Variants in TRMT2B observed in about 807,000 individuals in gnomAD.
TRMT2B encodes the protein tRNA (uracil-5-)-methyltransferase homolog B.
A neutral mutation model predicts 39.7 loss-of-function variants in TRMT2B; 34 were observed. The ratio of observed to expected loss-of-function variants is 0.86; its 90% CI spans 0.65 to 1.14. The LOEUF (loss-of-function observed/expected upper bound fraction) is 1.14. TRMT2B is among the 50% of genes most tolerant of loss of function. The pLI, the probability that TRMT2B is intolerant of heterozygous loss-of-function variation, is 0.00. For synonymous variants in TRMT2B, 132 were observed against 137.3 expected (o/e 0.96, Z 0.27); for missense variants, 318 against 377.2 (o/e 0.84, Z 1.30).
chrX:100,995,966 A>AT, the TRMT2B span, among the ~76,000 whole-genome samples: 404 of 104,242 alleles, frequency 3.9e-3, 2 homozygotes, highest in African/African-American at 0.011. Context: ...CTTAATATAC[A>AT]TTTTTTTTTT....
Position 101,042,031 on chromosome X carries a change from C to CT in TRMT2B, c.248+10dup. 1 of 1,210,677 alleles carries CT rather than the reference C, an allele frequency of 8.3e-7. No individual in the cohort carries two copies. The highest frequency in any genetic ancestry group is 3.0e-5 in the East Asian group (1 of 33,854). Reference sequence around the variant, plus strand: ...CCTGCTAAGGAGAGAGGACATCAGCCTGGCCTTTACCTTTCCTGCCAGGAA... The same window carrying CT: ...CCTGCTAAGGAGAGAGGACATCAGCCTTGGCCTTTACCTTTCCTGCCAGGAA... On this transcript the variant is annotated intron_variant, in intron 3 of 13. Coordinates refer to ENST00000372936, the MANE Select transcript of TRMT2B (RefSeq NM_024917.6).
At chrX:101,039,743 CA>C (rs773587234) in intron 4 of TRMT2B, among the ~76,000 whole-genome samples, 2 of 108,090 alleles carry the variant, frequency 1.9e-5, no homozygotes, top group Non-Finnish European at 3.8e-5. Flanking sequence ...ACAACAAATA[CA>C]AAAAAATTAG....
Position 101,037,034 on chromosome X carries a change from C to G in TRMT2B, c.478G>C (p.Val160Leu). ...GGATTGCCATCTGGACCTCGGTTCA[C>G]AGAGAAGGTGGACTTATTTCGGTAA... ...NGYRNKSTFS[V>L]NRGPDGNPKT... The change falls in exon 6 of 14, where the codon GTG (valine) becomes CTG (leucine). Residue 160 changes from valine to leucine, a missense_variant. Transcript: ENST00000372936. 8.3e-7 allele frequency: 1 copy of G among 1,211,352 alleles called. No individual in the cohort carries two copies. The highest frequency in any genetic ancestry group is 1.1e-6 in the Non-Finnish European group (1 of 895,347).
intron 7 of TRMT2B, 54 bp downstream of exon 7, chrX:101,035,559 G>T (rs758599787): frequency 1.9e-6 from 2 of 1,060,074 alleles, no homozygotes; most frequent in South Asian, 3.7e-5. Context: ...GGATGTTGCT[G>T]TTGTAGACTA....
At chrX:100,995,431 T>G in the TRMT2B span, among the ~76,000 whole-genome samples, 1 of 112,097 alleles carries the variant, frequency 8.9e-6, no homozygotes, top group African/African-American at 3.2e-5. Flanking sequence ...TTTCTGCTAT[T>G]GGCACATAGA....
At chrX:100,988,856 A>ATATATATCT in the TRMT2B span, among the ~76,000 whole-genome samples, 308 of 56,527 alleles carry the variant, frequency 5.4e-3, 3 homozygotes, top group African/African-American at 0.021. Context: ...TATCTCATAT[A>ATATATATCT]TATATATATA....
chrX:101,029,051 T>G (rs2087290373), intron 7 of TRMT2B, among the ~76,000 whole-genome samples: 1 of 111,666 alleles, frequency 9.0e-6, no homozygotes, highest in Admixed American at 9.6e-5. Flanking sequence ...GAGAACAGAC[T>G]AATACACAGA....
chrX:101,031,139 A>T (rs922110753), intron 7 of TRMT2B, among the ~76,000 whole-genome samples: 1 of 109,768 alleles, frequency 9.1e-6, no homozygotes, highest in African/African-American at 3.3e-5. Context: ...CCCCATCTAA[A>T]TTTTTTTGTA....
At chrX:100,975,344 C>T in the TRMT2B span, among the ~76,000 whole-genome samples, 1 of 111,455 alleles carries the variant, frequency 9.0e-6, no homozygotes, top group Non-Finnish European at 1.9e-5. Flanking sequence ...AAGTCACAGC[C>T]CAGCTTGACC....
intron 2 of TRMT2B, among the ~76,000 whole-genome samples, chrX:101,044,188 G>C (rs748714170): frequency 3.5e-4 from 37 of 106,260 alleles, no homozygotes; most frequent in African/African-American, 1.2e-3. Flanking sequence ...GTTGCAGTGA[G>C]CCAAGATTGT....
Position 101,033,603 on chromosome X carries a change from T to G in TRMT2B, c.609+2010A>C, listed in dbSNP as rs373823734. ...GAGCGAGACTCCATACACAAAAAAA[T>G]AAAGAAAGAAAGAAAGAGAAGAAAG... On this transcript the variant is annotated intron_variant, in intron 7 of 13. Transcript: ENST00000372936. Among the ~76,000 whole-genome samples, 26 of 105,946 alleles carry G rather than the reference T, an allele frequency of 2.5e-4. No individual in the cohort carries two copies. In the East Asian group the frequency reaches 6.6e-3, roughly 27 times the overall value. 92.0% of individuals were successfully genotyped at this position (105,946 alleles called of 115,157 possible).
the TRMT2B span, among the ~76,000 whole-genome samples, chrX:100,977,368 TC>T: frequency 2.6e-5 from 2 of 77,487 alleles, no homozygotes; most frequent in African/African-American, 9.5e-5. Flanking sequence ...TCTACTCTCT[TC>T]TTTTTTTTTT....
At chrX:101,049,837 G>A (rs2088950994) in intron 2 of TRMT2B, among the ~76,000 whole-genome samples, 1 of 110,981 alleles carries the variant, frequency 9.0e-6, no homozygotes, top group South Asian at 3.8e-4. Context: ...TCGATATGGA[G>A]GATGGCAAAA....
rs1213881286 is a variant in TRMT2B at position 101,045,221 on chromosome X, G to T, written c.-23-2909C>A. ...TGTAATCCCAGCACTTTGGGAGGCCGAGGTGGGCGAATCACCTGAGGTCGG... is the reference window on the plus strand; with the variant it reads ...TGTAATCCCAGCACTTTGGGAGGCCTAGGTGGGCGAATCACCTGAGGTCGG... On this transcript the variant is annotated intron_variant, in intron 2 of 13. Coordinates refer to ENST00000372936, the MANE Select transcript of TRMT2B (RefSeq NM_024917.6). Among the ~76,000 whole-genome samples, 4 of 109,937 alleles carry T rather than the reference G, an allele frequency of 3.6e-5. No homozygotes were observed. In the South Asian group the frequency reaches 1.5e-3, roughly 42 times the overall value.
the TRMT2B span, chrX:100,973,696 C>T: frequency 4.7e-5 from 57 of 1,208,996 alleles, no homozygotes; most frequent in South Asian, 2.1e-4. Flanking sequence ...AATCATGTTC[C>T]GGCTTTTGTC....
chrX:101,003,775 G>A, the TRMT2B span, among the ~76,000 whole-genome samples: 7 of 112,281 alleles, frequency 6.2e-5, no homozygotes, highest in Non-Finnish European at 7.5e-5. Context: ...CTAATGGGAT[G>A]CAACATGAAG....
At chrX:101,041,964 TAC>T in intron 3 of TRMT2B, 76 bp downstream of exon 3, 2 of 1,137,412 alleles carry the variant, frequency 1.8e-6, no homozygotes, top group Non-Finnish European at 2.4e-6. Context: ...CTACATTAGT[TAC>T]ACTAGGAATA....
rs148617015 is a variant in TRMT2B at position 101,050,374 on chromosome X, G to T, written c.-24+877C>A. Among the ~76,000 whole-genome samples the T allele has an allele frequency of 6.2e-3, 690 of 112,107 alleles. 3 individuals are homozygous for T. Among genetic ancestry groups the T allele is most frequent in the Middle Eastern group, 0.028 (6 of 218 alleles). On this transcript the variant is annotated intron_variant, in intron 2 of 13. Transcript: ENST00000372936. ...AGTTCTGTTTCTTTCTTAATGTCAG[G>T]GGAGACATTTGTTCACAGAAGAGAC... is the stretch of plus-strand genomic sequence containing the variant.
chrX:101,015,284 T>C (rs1424865763), intron 13 of TRMT2B, among the ~76,000 whole-genome samples: 3 of 111,863 alleles, frequency 2.7e-5, no homozygotes, highest in African/African-American at 9.7e-5. Flanking sequence ...AATTACCATG[T>C]GAAAGGGTAT....
Sources: allele counts gnomAD v4.1 joint callset (sites outside exome capture counted in the v4.1 genomes callset), GRCh38; gene constraint gnomAD v4.1.1; transcripts MANE v1.5; gene names NCBI Gene and HGNC (gene_info 2026-07-23, HGNC 2026-07-21).